Variants in SGIP1 observed in about 807,000 individuals in gnomAD.
The protein encoded by SGIP1 is SH3-containing GRB2-like protein 3-interacting protein 1.
SGIP1 carries 38 observed loss-of-function variants against 107.5 expected under a neutral mutation model. The observed-to-expected ratio is 0.35, with a 90% CI of 0.27 to 0.46. SGIP1 has a LOEUF of 0.46. Among genes scored for constraint, SGIP1 ranks in the 20% least tolerant of loss-of-function variants. The probability of loss-of-function intolerance (pLI) is 1.00; values close to 1 mark genes in which losing one functional copy is unlikely to be tolerated. For synonymous variants in SGIP1, 365 were observed against 366.1 expected (o/e 1.00, Z 0.03); for missense variants, 929 against 1,019.5 (o/e 0.91, Z 1.21).
chr1:66,601,718 A>G (rs2065876143), intron 1 of SGIP1, among the ~76,000 whole-genome samples: 1 of 152,012 alleles, frequency 6.6e-6, no homozygotes, highest in Non-Finnish European at 1.5e-5. Flanking sequence ...AGTATTTTAC[A>G]AAAAAAAGCA....
chr1:66,603,418 A>G (rs917643322), intron 1 of SGIP1, among the ~76,000 whole-genome samples: 2 of 152,198 alleles, frequency 1.3e-5, no homozygotes, highest in Non-Finnish European at 2.9e-5. Flanking sequence ...TTTCATTTTA[A>G]AAATGAGCAA....
intron 12 of SGIP1, among the ~76,000 whole-genome samples, chr1:66,676,542 G>GACCCTGTAGA (rs368334836): frequency 0.012 from 1,795 of 152,230 alleles, 38 homozygotes; most frequent in African/African-American, 0.041. Flanking sequence ...TTTATGTAAA[G>GACCCTGTAGA]ACCCTTCAAG....
At position 66,698,864 on chromosome 1, in the gene SGIP1, C is replaced by T. The variant is rs1225249244; in HGVS notation, c.1630+3371C>T. 3.3e-5 allele frequency among the ~76,000 whole-genome samples: 5 copies of T among 151,392 alleles called. No homozygotes were observed. The East Asian group carries it at 5.8e-4, about 18-fold the overall frequency. ...TTTCCAGAAATGTACTGCACTTCTC[C>T]TTGGTTAGCTTTTTTAACTACAAAA... is the stretch of plus-strand genomic sequence containing the variant. On this transcript the variant is annotated intron_variant, in intron 18 of 24. Transcript: ENST00000371037.
intron 15 of SGIP1, among the ~76,000 whole-genome samples, chr1:66,687,336 A>C (rs1395843351): frequency 6.6e-6 from 1 of 152,002 alleles, no homozygotes; most frequent in Non-Finnish European, 1.5e-5. Context: ...TCACTGTTTA[A>C]AGATTTATTG....
chr1:66,588,953 A>T (rs1570142825), intron 1 of SGIP1, among the ~76,000 whole-genome samples: 1 of 150,888 alleles, frequency 6.6e-6, no homozygotes, highest in Non-Finnish European at 1.5e-5. Context: ...AAATGTGATA[A>T]GAAAAGAAAA....
At chr1:66,561,304 A>G (rs1450142492) in intron 1 of SGIP1, among the ~76,000 whole-genome samples, 2 of 152,202 alleles carry the variant, frequency 1.3e-5, no homozygotes, top group African/African-American at 4.8e-5. Context: ...AGACTCTCAC[A>G]TGCTTAACTT....
chr1:66,628,714 G>A (rs2073553030), intron 2 of SGIP1, among the ~76,000 whole-genome samples: 1 of 152,186 alleles, frequency 6.6e-6, no homozygotes, highest in African/African-American at 2.4e-5. Context: ...TGTAGCCAAA[G>A]CACTACTCTT....
At chr1:66,660,449 T>C in intron 7 of SGIP1, 64 bp from the exon 8 acceptor site, 1 of 1,500,690 alleles carries the variant, frequency 6.7e-7, no homozygotes, top group Non-Finnish European at 9.3e-7. Context: ...CTGTTTCTTC[T>C]TGAAAATACA....
At position 66,689,217 on chromosome 1, in the gene SGIP1, C is replaced by A; in HGVS notation, c.1385C>A (p.Pro462His). 1 of 1,613,968 alleles carries A rather than the reference C, an allele frequency of 6.2e-7. No homozygotes were observed. The highest frequency in any genetic ancestry group is 8.5e-7 in the Non-Finnish European group (1 of 1,179,918). Residue 462 changes from proline to histidine, a missense_variant, in exon 16 of 25, where the codon CCT becomes CAT. Coordinates refer to ENST00000371037, the MANE Select transcript of SGIP1 (RefSeq NM_032291.4). ...AGAAGTACCACTCCACCTCCACCTC[C>A]TCCCCGGCCTCCATCCCGGCCAAAG... Reference protein sequence around the residue: ...PCRSTTPPPPPPRPPSRPKLP... With the variant: ...PCRSTTPPPPHPRPPSRPKLP...
intron 8 of SGIP1, among the ~76,000 whole-genome samples, chr1:66,660,764 C>T (rs1025038595): frequency 5.9e-5 from 9 of 152,140 alleles, no homozygotes; most frequent in Non-Finnish European, 1.3e-4. Flanking sequence ...TAAAGATTCA[C>T]CTCTGGTTCA....
At chr1:66,550,896 T>TCCC (rs2057304962) in intron 1 of SGIP1, among the ~76,000 whole-genome samples, 2 of 152,146 alleles carry the variant, frequency 1.3e-5, no homozygotes, top group East Asian at 3.9e-4. Flanking sequence ...TCAAACTATA[T>TCCC]TGTGAAACAC....
rs531309942 is a variant in SGIP1 at position 66,749,961 on chromosome 1, T to A, written c.*6866T>A. ...TAGTTCTTGCTTTGTTAAATGGACA[T>A]ACATGAAAGAGATTGGCTCCTATCT... On this transcript the variant is annotated 3_prime_UTR_variant, in exon 25 of 25. Coordinates refer to ENST00000371037, the MANE Select transcript of SGIP1 (RefSeq NM_032291.4). Among the ~76,000 whole-genome samples the A allele has an allele frequency of 1.3e-3, 190 of 151,960 alleles. 1 individual carries two copies. The highest frequency in any genetic ancestry group is 4.5e-3 in the African/African-American group (187 of 41,502).
At chr1:66,543,899 TCAGA>T (rs1053172417) in intron 1 of SGIP1, among the ~76,000 whole-genome samples, 1 of 152,180 alleles carries the variant, frequency 6.6e-6, no homozygotes, top group Non-Finnish European at 1.5e-5. Context: ...AGTTTTTTTC[TCAGA>T]CAGTTTTTTC....
At chr1:66,645,839 G>A (rs2077557489) in intron 7 of SGIP1, among the ~76,000 whole-genome samples, 1 of 152,050 alleles carries the variant, frequency 6.6e-6, no homozygotes, top group South Asian at 2.1e-4. Flanking sequence ...GATATAGATA[G>A]TTTTGTTGTT....
chr1:66,674,788 G>T (rs563399754), intron 12 of SGIP1, among the ~76,000 whole-genome samples: 1 of 152,212 alleles, frequency 6.6e-6, no homozygotes, highest in Non-Finnish European at 1.5e-5. Context: ...ACTATTCTAA[G>T]AGCAAAACTA....
chr1:66,715,636 A>G (rs573547027), intron 18 of SGIP1, among the ~76,000 whole-genome samples: 5 of 152,264 alleles, frequency 3.3e-5, no homozygotes, highest in Admixed American at 1.3e-4. Flanking sequence ...AAAAAGCACT[A>G]CGACCATCAT....
intron 2 of SGIP1, among the ~76,000 whole-genome samples, chr1:66,632,161 T>C (rs1350756660): frequency 6.6e-6 from 1 of 152,212 alleles, no homozygotes. Context: ...AAGTTCTCTC[T>C]ATATATTATC....
intron 1 of SGIP1, among the ~76,000 whole-genome samples, chr1:66,555,125 A>T (rs926650151): frequency 1.3e-5 from 2 of 152,102 alleles, no homozygotes; most frequent in Non-Finnish European, 2.9e-5. Flanking sequence ...AAATCTGAAC[A>T]TTATGCTACT....
chr1:66,577,473 T>C (rs1234162179), intron 1 of SGIP1, among the ~76,000 whole-genome samples: 1 of 152,226 alleles, frequency 6.6e-6, no homozygotes. Context: ...ATTAATTTCA[T>C]CCTTCCCGGC....
Sources: allele counts gnomAD v4.1 joint callset (sites outside exome capture counted in the v4.1 genomes callset), GRCh38; gene constraint gnomAD v4.1.1; transcripts MANE v1.5; gene names NCBI Gene and HGNC (gene_info 2026-07-23, HGNC 2026-07-21).